ST3GAL2: variants seen among roughly 807,000 people sequenced by gnomAD.
ST3GAL2 encodes the protein ST3 beta-galactoside alpha-2,3-sialyltransferase 2.
In ST3GAL2, 16 loss-of-function variants were observed where a neutral mutation model predicts 37.5. The ratio of observed to expected loss-of-function variants is 0.43; its 90% CI spans 0.29 to 0.65. The LOEUF (loss-of-function observed/expected upper bound fraction) is 0.65. ST3GAL2 is among the 30% of genes least tolerant of loss of function. ST3GAL2 has a pLI of 0.17. For synonymous variants in ST3GAL2, 238 were observed against 202.9 expected, an observed-to-expected ratio of 1.17 and a Z score of -1.47; for missense variants, 383 against 487.8, an observed-to-expected ratio of 0.79 and a Z score of 2.02.
intron 1 of ST3GAL2, among the ~76,000 whole-genome samples, chr16:70,425,652 G>A (rs1448087671): frequency 6.6e-6 from 1 of 152,074 alleles, no homozygotes; most frequent in Non-Finnish European, 1.5e-5. Flanking sequence ...CCGAGAGGTG[G>A]AAGCTGCAGT....
intron 4 of ST3GAL2, among the ~76,000 whole-genome samples, chr16:70,385,154 A>G (rs1243523781): frequency 2.0e-5 from 3 of 151,102 alleles, no homozygotes; most frequent in Non-Finnish European, 4.4e-5. Flanking sequence ...AAATACAAAA[A>G]ATCAGCTGGG....
Position 70,381,574 on chromosome 16 carries a change from C to T in ST3GAL2, c.*115G>A. The T allele has an allele frequency of 1.5e-6, 2 of 1,293,132 alleles. No homozygotes were observed. Among genetic ancestry groups the T allele is most frequent in the East Asian group, 2.5e-5 (1 of 39,478 alleles). 80.1% of individuals were successfully genotyped at this position (1,293,132 alleles called of 1,614,324 possible). A position where few individuals can be genotyped will look rare whatever the true frequency, so the allele number is the denominator to read the frequency against. On this transcript the variant is annotated 3_prime_UTR_variant, in exon 7 of 7. Transcript: ENST00000342907. The stretch of plus-strand genomic sequence containing the variant: ...TCCCCCAGTCTCGTGATTGGCGGGG[C>T]ACAGCAGACGCCCCTGGGCTGCAGC...
chr16:70,386,401 C>T (rs1237703468), intron 4 of ST3GAL2, among the ~76,000 whole-genome samples: 2 of 152,014 alleles, frequency 1.3e-5, no homozygotes, highest in East Asian at 3.9e-4. Flanking sequence ...ACGGTGTTAG[C>T]CAGGATGGTC....
intron 1 of ST3GAL2, among the ~76,000 whole-genome samples, chr16:70,436,465 A>G (rs1405609958): frequency 1.3e-5 from 2 of 151,758 alleles, no homozygotes; most frequent in East Asian, 1.9e-4. Context: ...AAAGAAAAAA[A>G]AAAAAAAAAA....
At chr16:70,388,966 C>A (rs148085415) in intron 3 of ST3GAL2, among the ~76,000 whole-genome samples, 1 of 147,652 alleles carries the variant, frequency 6.8e-6, no homozygotes, top group Non-Finnish European at 1.5e-5. Flanking sequence ...TCCCAGCAAC[C>A]TGGGAGACTG....
At chr16:70,415,430 C>G (rs961557270) in intron 1 of ST3GAL2, among the ~76,000 whole-genome samples, 1 of 152,164 alleles carries the variant, frequency 6.6e-6, no homozygotes, top group Admixed American at 6.5e-5. Flanking sequence ...AGGGATACAC[C>G]CTCTTGTAAA....
intron 1 of ST3GAL2, among the ~76,000 whole-genome samples, chr16:70,408,841 C>T (rs1422578875): frequency 8.0e-6 from 1 of 124,838 alleles, no homozygotes; most frequent in Non-Finnish European, 1.6e-5. Context: ...GGACAAAGAT[C>T]GAGGCTGCAC....
intron 3 of ST3GAL2, among the ~76,000 whole-genome samples, chr16:70,389,600 G>T (rs1324037486): frequency 6.6e-6 from 1 of 152,098 alleles, no homozygotes; most frequent in East Asian, 1.9e-4. Context: ...AAGTAGCTGG[G>T]ATTACAGGCG....
chr16:70,414,643 A>G (rs1014719708), intron 1 of ST3GAL2, among the ~76,000 whole-genome samples: 6 of 152,178 alleles, frequency 3.9e-5, no homozygotes, highest in Non-Finnish European at 8.8e-5. Flanking sequence ...CAAGCAGCCA[A>G]GCAGGTTACT....
intron 1 of ST3GAL2, among the ~76,000 whole-genome samples, chr16:70,438,716 G>A (rs2151684249): frequency 6.6e-6 from 1 of 152,282 alleles, no homozygotes; most frequent in Admixed American, 6.5e-5. Context: ...AGCCCTGGGA[G>A]GCTGGGAGCG....
At chr16:70,422,842 C>A (rs1393506233) in intron 1 of ST3GAL2, 1 of 152,258 alleles carries the variant, frequency 6.6e-6, no homozygotes. Flanking sequence ...CTACAACACT[C>A]CATTCCTGGC....
intron 1 of ST3GAL2, among the ~76,000 whole-genome samples, chr16:70,429,484 C>G (rs74961676): frequency 0.08 from 12,001 of 149,562 alleles, 1,584 homozygotes; most frequent in African/African-American, 0.28. Flanking sequence ...TCCCAGCTAG[C>G]AGGCTGAGGC....
rs2047362830 is a variant in ST3GAL2, at chr16:70,378,047, CA to C, written c.*3641del. ...TAACAGCAATAGACGGGAAATTTAACAAAATATTTGGAACACACCCAAAAAA... is the reference window on the plus strand; with the variant it reads ...TAACAGCAATAGACGGGAAATTTAACAAATATTTGGAACACACCCAAAAAA... On this transcript the variant is annotated 3_prime_UTR_variant, in exon 7 of 7. Coordinates refer to ENST00000342907, the MANE Select transcript of ST3GAL2 (RefSeq NM_006927.4). 6.6e-6 allele frequency: 1 copy of C among 152,044 alleles called. No homozygotes were observed. Among genetic ancestry groups the C allele is most frequent in the Admixed American group, 6.6e-5 (1 of 15,264 alleles). The allele number at this position is 152,044 out of a possible 1,614,324, so 9.4% of individuals were successfully genotyped here. A position where few individuals can be genotyped will look rare whatever the true frequency, so the allele number is the denominator to read the frequency against.
chr16:70,438,602 T>C (rs1186533646), intron 1 of ST3GAL2, among the ~76,000 whole-genome samples: 8 of 148,092 alleles, frequency 5.4e-5, no homozygotes, highest in Admixed American at 4.7e-4. Context: ...CGGTACGAAC[T>C]AGGGAGTGGA....
intron 1 of ST3GAL2, among the ~76,000 whole-genome samples, chr16:70,410,599 C>CT (rs897068079): frequency 6.0e-5 from 9 of 150,266 alleles, no homozygotes; most frequent in South Asian, 2.1e-4. Context: ...AATTATATTA[C>CT]TTTTTTTTTA....
intron 1 of ST3GAL2, among the ~76,000 whole-genome samples, chr16:70,418,360 T>C (rs895716291): frequency 2.6e-5 from 4 of 152,198 alleles, no homozygotes; most frequent in Non-Finnish European, 4.4e-5. Context: ...TCCTTGGCTT[T>C]GACAGCTATC....
At chr16:70,430,133 C>T (rs1296991532) in intron 1 of ST3GAL2, among the ~76,000 whole-genome samples, 1 of 152,212 alleles carries the variant, frequency 6.6e-6, no homozygotes, top group Non-Finnish European at 1.5e-5. Flanking sequence ...TCCACCTGGG[C>T]CTCTGGGCTG....
chr16:70,428,816 G>A (rs1339631718), intron 1 of ST3GAL2, among the ~76,000 whole-genome samples: 1 of 152,162 alleles, frequency 6.6e-6, no homozygotes, highest in East Asian at 1.9e-4. Flanking sequence ...GTGGCTGTGC[G>A]GCTGACCCAG....
intron 1 of ST3GAL2, among the ~76,000 whole-genome samples, chr16:70,418,812 G>T (rs562996716): frequency 6.6e-6 from 1 of 152,134 alleles, no homozygotes; most frequent in Non-Finnish European, 1.5e-5. Flanking sequence ...GAAGCAAAGC[G>T]GGCGATTTCT....
Sources: allele counts gnomAD v4.1 joint callset (sites outside exome capture counted in the v4.1 genomes callset), GRCh38; gene constraint gnomAD v4.1.1; transcripts MANE v1.5; gene names NCBI Gene and HGNC (gene_info 2026-07-23, HGNC 2026-07-21).